Variants in TFIP11 observed in about 807,000 individuals in gnomAD.
TFIP11 encodes the protein tuftelin-interacting protein 11.
In TFIP11, 86 loss-of-function variants were observed where a neutral mutation model predicts 96.8. That is an observed-to-expected ratio of 0.89 (90% CI 0.75 to 1.06). The LOEUF is 1.06. Among genes scored for constraint, TFIP11 ranks in the 50% least tolerant of loss-of-function variants. TFIP11 has a pLI of 0.00. For synonymous variants in TFIP11, 405 were observed against 395.2 expected (o/e 1.02, Z -0.29); for missense variants, 881 against 1,076.7 (o/e 0.82, Z 2.54).
rs1298590798 is a variant in TFIP11, at chr22:26,501,880, G to A, written c.801+20C>T. 1.2e-6 allele frequency: 2 copies of A among 1,600,482 alleles called. No individual in the cohort carries two copies. Among genetic ancestry groups the A allele is most frequent in the South Asian group, 1.1e-5 (1 of 89,820 alleles). ...TTCTGGGGTGTGGATCCTGTACCAG[G>A]TGTCCAAGGGCCCCTGTACCTTGAC... is the stretch of plus-strand genomic sequence containing the variant. On this transcript the variant is annotated intron_variant, in intron 8 of 14. Transcript: ENST00000407690.
At chr22:26,508,223 T>C (rs1923654604) in intron 4 of TFIP11, among the ~76,000 whole-genome samples, 1 of 152,216 alleles carries the variant, frequency 6.6e-6, no homozygotes, top group African/African-American at 2.4e-5. Flanking sequence ...TTTCCTAAAA[T>C]TGTAATATAA....
rs768551793 is a variant in TFIP11 at position 26,510,116 on chromosome 22, C to A, written c.157G>T (p.Val53Leu). 1.2e-6 allele frequency: 2 copies of A among 1,614,158 alleles called. No individual in the cohort carries two copies. The highest frequency in any genetic ancestry group is 1.7e-6 in the Non-Finnish European group (2 of 1,180,038). Reference sequence around the variant, plus strand: ...TCATCCGAGTCTCGCTCTGCCCACACCCCGTAGGTGGCTTCTTCCTTGGTC... The same window carrying A: ...TCATCCGAGTCTCGCTCTGCCCACAACCCGTAGGTGGCTTCTTCCTTGGTC... ...WQTKEEATYG[V>L]WAERDSDDER... Residue 53 changes from valine (V) to leucine (L), a missense_variant, in exon 4 of 15, where the codon GTG (valine) becomes TTG (leucine). Transcript: ENST00000407690.
chr22:26,491,660 T>C lies in TFIP11; in HGVS notation c.*353A>G. The stretch of plus-strand genomic sequence containing the variant: ...TCAGGAACAAGAGAGAAGATCCTTC[T>C]GCTACTGACTGAACTCGTTGTGAGG... On this transcript the variant is annotated 3_prime_UTR_variant, in exon 15 of 15. Coordinates refer to ENST00000407690, the MANE Select transcript of TFIP11 (RefSeq NM_012143.4). The C allele has an allele frequency of 1.2e-6, 2 of 1,610,502 alleles. No homozygotes were observed. Among genetic ancestry groups the C allele is most frequent in the Non-Finnish European group, 1.7e-6 (2 of 1,180,010 alleles).
At chr22:26,496,914 G>A in intron 10 of TFIP11, 25 bp from the exon 11 acceptor site, 1 of 1,612,158 alleles carries the variant, frequency 6.2e-7, no homozygotes, top group Non-Finnish European at 8.5e-7. Flanking sequence ...CAGAGGACAG[G>A]CTGGTTAATT....
chr22:26,494,484 G>A lies in TFIP11; in HGVS notation c.1993-180C>T, dbSNP rs182608238. 3.8e-6 allele frequency: 3 copies of A among 784,322 alleles called. No individual in the cohort carries two copies. The East Asian group carries it at 8.0e-5, about 21-fold the overall frequency. 48.6% of individuals were successfully genotyped at this position (784,322 alleles called of 1,614,324 possible). ...TATGGATTTTGGAGTCAGCCTGGTA[G>A]CTAAAGTGCCCTTGCATGTAAACTC... is the stretch of plus-strand genomic sequence containing the variant. On this transcript the variant is annotated intron_variant, in intron 13 of 14. Coordinates refer to ENST00000407690, the MANE Select transcript of TFIP11 (RefSeq NM_012143.4).
rs145549879 is a variant in TFIP11, at chr22:26,496,123, G to A, written c.1799C>T (p.Thr600Ile). ...CATGAATGCTTCCCAGGAGCCAGGAGTGAAGACATCCTTCCAGGGCTGGAG... is the reference window on the plus strand; with the variant it reads ...CATGAATGCTTCCCAGGAGCCAGGAATGAAGACATCCTTCCAGGGCTGGAG... Reference protein sequence around the residue: ...LILQPWKDVFTPGSWEAFMVK... With the variant: ...LILQPWKDVFIPGSWEAFMVK... Residue 600 changes from threonine (T) to isoleucine (I), a missense_variant, in exon 12 of 15, where the codon ACT (threonine) becomes ATT (isoleucine). Transcript: ENST00000407690. The A allele has an allele frequency of 1.2e-6, 2 of 1,613,888 alleles. No individual in the cohort carries two copies. The highest frequency in any genetic ancestry group is 1.7e-6 in the Non-Finnish European group (2 of 1,180,054).
intron 12 of TFIP11, 70 bp downstream of exon 12, chr22:26,496,003 A>G: frequency 6.4e-7 from 1 of 1,561,608 alleles, no homozygotes. Flanking sequence ...GCTTTAAATC[A>G]TCACTGCTAA....
intron 5 of TFIP11, 100 bp downstream of exon 5, chr22:26,506,675 A>C: frequency 6.7e-7 from 1 of 1,500,156 alleles, no homozygotes; most frequent in African/African-American, 1.4e-5. Context: ...GACACTCACG[A>C]AATTCATTCC....
rs1025957494 is a variant in TFIP11, at chr22:26,498,066, C to T, written c.1436+803G>A. 2.6e-5 allele frequency among the ~76,000 whole-genome samples: 4 copies of T among 152,186 alleles called. No homozygotes were observed. In the East Asian group the frequency reaches 5.8e-4, roughly 22 times the overall value. On this transcript the variant is annotated intron_variant, in intron 10 of 14. Coordinates refer to ENST00000407690, the MANE Select transcript of TFIP11 (RefSeq NM_012143.4). ...TAAAAAGGAATGAAATAATGGCATT[C>T]GCAGCAAGTTGGTTGGAATTGGAGA...
Position 26,499,614 on chromosome 22 carries a change from G to C in TFIP11, c.819C>G (p.Gly273=). ...AGCTGTAGTAGACCTTCTGCTCCCG[G>C]CCTGTCATGTCTATGACCTTGGAAA... ...LSQVKVIDMT[G]REQKVYYSYS... Residue 273 remains glycine (G), a synonymous_variant, in exon 9 of 15, where the codon GGC becomes GGG. Coordinates refer to ENST00000407690, the MANE Select transcript of TFIP11 (RefSeq NM_012143.4). 1.2e-6 allele frequency: 2 copies of C among 1,612,016 alleles called. No homozygotes were observed. The highest frequency in any genetic ancestry group is 1.7e-6 in the Non-Finnish European group (2 of 1,179,178).
At chr22:26,495,843 G>A (rs1921946105) in intron 12 of TFIP11, among the ~76,000 whole-genome samples, 1 of 152,142 alleles carries the variant, frequency 6.6e-6, no homozygotes, top group African/African-American at 2.4e-5. Context: ...CACAGAGTCC[G>A]ATATTGTCAC....
chr22:26,504,593 A>C (rs1923184490), intron 6 of TFIP11, among the ~76,000 whole-genome samples: 1 of 152,104 alleles, frequency 6.6e-6, no homozygotes, highest in African/African-American at 2.4e-5. Context: ...TGAGCCCAGG[A>C]GGTTGAGGCT....
intron 8 of TFIP11, 85 bp downstream of exon 8, chr22:26,501,814 CT>C: frequency 1.4e-6 from 1 of 695,466 alleles, no homozygotes; most frequent in Non-Finnish European, 2.1e-6. Context: ...AAAAGCCTAG[CT>C]AAAAGATCCA....
rs140957646 is a variant in TFIP11 at position 26,496,149 on chromosome 22, G to A, written c.1773C>T (p.Ile591=). The change falls in exon 12 of 15, where the codon ATC becomes ATT. Residue 591 remains isoleucine (I), a synonymous_variant. Coordinates refer to ENST00000407690, the MANE Select transcript of TFIP11 (RefSeq NM_012143.4). ...TGAAGACATCCTTCCAGGGCTGGAG[G>A]ATGAGCTTGGCAGAGGAGTCGCTGG... ...WHPSDSSAKL[I]LQPWKDVFTP... 6.2e-7 allele frequency: 1 copy of A among 1,613,858 alleles called. No individual in the cohort carries two copies. The highest frequency in any genetic ancestry group is 1.3e-5 in the African/African-American group (1 of 74,896).
chr22:26,494,910 G>C lies in TFIP11; in HGVS notation c.1879C>G (p.Pro627Ala), dbSNP rs772266873. 6.2e-7 allele frequency: 1 copy of C among 1,614,182 alleles called. No homozygotes were observed. Among genetic ancestry groups the C allele is most frequent in the Non-Finnish European group, 8.5e-7 (1 of 1,180,032 alleles). The change falls in exon 13 of 15, where the codon CCC becomes GCC. Residue 627 changes from proline to alanine, a missense_variant. Coordinates refer to ENST00000407690, the MANE Select transcript of TFIP11 (RefSeq NM_012143.4). ...AATGCATCCATGTGCTGCTGGTGGG[G>C]GTTAATGACTAGCTCACCAAGACAC... is the stretch of plus-strand genomic sequence containing the variant. Reference protein sequence around the residue: ...GMCLGELVINPHQQHMDAFYW... With the variant: ...GMCLGELVINAHQQHMDAFYW...
In TFIP11 at chr22:26,501,950, T is replaced by C. The variant is rs755445868; in HGVS notation, c.751A>G (p.Arg251Gly). Residue 251 changes from arginine to glycine, a missense_variant, in exon 8 of 15, where the codon AGG (arginine) becomes GGG (glycine). Coordinates refer to ENST00000407690, the MANE Select transcript of TFIP11 (RefSeq NM_012143.4). ...GGAGCAGTGAGCTTCTTGCTAATCC[T>C]GCCCTTGGCCTTCAACTCTTCCACG... Reference protein sequence around the residue: ...KTVEELKAKGRISKKLTAPQK... With the variant: ...KTVEELKAKGGISKKLTAPQK... 186 of 1,613,876 alleles carry C rather than the reference T, an allele frequency of 1.2e-4. No individual in the cohort carries two copies. Among genetic ancestry groups the C allele is most frequent in the Non-Finnish European group, 1.5e-4 (182 of 1,179,994 alleles).
Position 26,499,353 on chromosome 22 carries a change from G to C in TFIP11, c.1080C>G (p.Thr360=), listed in dbSNP as rs773835930. The C allele has an allele frequency of 6.2e-7, 1 of 1,613,982 alleles. No homozygotes were observed. Among genetic ancestry groups the C allele is most frequent in the Non-Finnish European group, 8.5e-7 (1 of 1,180,024 alleles). Residue 360 remains threonine, a synonymous_variant, in exon 9 of 15, where the codon ACC becomes ACG. Transcript: ENST00000407690. ...CCCGCTCCTCGTGGTCCAGGACCTC[G>C]GTCATCTTCTCCAGCTCGTGGAAGA... ...VNLFHELEKM[T]EVLDHEERVI...
intron 8 of TFIP11, among the ~76,000 whole-genome samples, chr22:26,500,407 G>A (rs2147134119): frequency 6.6e-6 from 1 of 152,158 alleles, no homozygotes; most frequent in African/African-American, 2.4e-5. Flanking sequence ...CTGACCTTGT[G>A]ATCCGCCTGC....
chr22:26,510,018 CCT>C (rs1425198506), intron 4 of TFIP11, 44 bp downstream of exon 4: 2 of 1,600,528 alleles, frequency 1.2e-6, no homozygotes, highest in Non-Finnish European at 1.7e-6. Flanking sequence ...CCATCTTCCC[CCT>C]CTTCCCTAAA....
Sources: gnomAD v4.1 joint callset for allele counts (sites outside exome capture counted in the v4.1 genomes callset) on GRCh38, gnomAD v4.1.1 for gene constraint, MANE v1.5 for transcripts, NCBI Gene and HGNC (gene_info 2026-07-23, HGNC 2026-07-21) for gene names.